SHISA9: variants seen among roughly 807,000 people sequenced by gnomAD.
SHISA9 encodes protein shisa-9.
Under a neutral mutation model 38.0 loss-of-function variants are expected in SHISA9, and 13 were observed. That is an observed-to-expected ratio of 0.34 (90% CI 0.22 to 0.54). The LOEUF (loss-of-function observed/expected upper bound fraction) is 0.54. Among genes scored for constraint, SHISA9 ranks in the 20% least tolerant of loss-of-function variants. The pLI is 0.91. For synonymous variants in SHISA9, 275 were observed against 242.0 expected, an observed-to-expected ratio of 1.14 and a Z score of -1.27; for missense variants, 538 against 575.8, an observed-to-expected ratio of 0.93 and a Z score of 0.67.
chr16:13,349,477 A>G, the SHISA9 span, among the ~76,000 whole-genome samples: 2 of 152,246 alleles, frequency 1.3e-5, no homozygotes, highest in Non-Finnish European at 2.9e-5. Context: ...ACACTGGAAT[A>G]CAAAGAGAAG....
At chr16:13,443,817 CT>C in the SHISA9 span, among the ~76,000 whole-genome samples, 15 of 152,102 alleles carry the variant, frequency 9.9e-5, no homozygotes, top group Non-Finnish European at 1.8e-4. Context: ...TCTCTTTATT[CT>C]TTTTTCTCCC....
chr16:13,235,905 G>A lies in SHISA9; in HGVS notation c.*496G>A, dbSNP rs2051379035. ...GGACACAAGAGAAGAGTGTATTCTGGAAGAGGAGTTGTTCTGGGAGGAATT... is the reference window on the plus strand; with the variant it reads ...GGACACAAGAGAAGAGTGTATTCTGAAAGAGGAGTTGTTCTGGGAGGAATT... On this transcript the variant is annotated 3_prime_UTR_variant, in exon 5 of 5. Transcript: ENST00000558583. 6.5e-6 allele frequency: 1 copy of A among 153,506 alleles called. No individual in the cohort carries two copies. The highest frequency in any genetic ancestry group is 1.4e-5 in the Non-Finnish European group (1 of 68,986). 9.5% of individuals were successfully genotyped at this position (153,506 alleles called of 1,614,324 possible).
chr16:13,295,228 A>T, the SHISA9 span, among the ~76,000 whole-genome samples: 1 of 152,196 alleles, frequency 6.6e-6, no homozygotes, highest in African/African-American at 2.4e-5. Context: ...AATAAAACAC[A>T]AATTATTTTG....
At chr16:13,514,087 T>C in the SHISA9 span, among the ~76,000 whole-genome samples, 1 of 152,120 alleles carries the variant, frequency 6.6e-6, no homozygotes, top group Admixed American at 6.6e-5. Flanking sequence ...CTCTGTCTCC[T>C]GGGTTCAAGT....
the SHISA9 span, among the ~76,000 whole-genome samples, chr16:13,268,681 T>C: frequency 6.6e-6 from 1 of 152,276 alleles, no homozygotes; most frequent in East Asian, 1.9e-4. Flanking sequence ...TTTAGTGTAG[T>C]GGGCACAATT....
At chr16:13,400,542 A>G in the SHISA9 span, among the ~76,000 whole-genome samples, 2 of 152,302 alleles carry the variant, frequency 1.3e-5, no homozygotes, top group African/African-American at 4.8e-5. Flanking sequence ...CGTCCAGACA[A>G]TGCCCACCAT....
chr16:13,057,920 T>G (rs936561282), intron 2 of SHISA9, among the ~76,000 whole-genome samples: 2 of 152,194 alleles, frequency 1.3e-5, no homozygotes, highest in Non-Finnish European at 2.9e-5. Flanking sequence ...TCTGTTCCTG[T>G]GTTAGTTTGC....
chr16:13,532,910 C>T, the SHISA9 span, among the ~76,000 whole-genome samples: 1 of 152,100 alleles, frequency 6.6e-6, no homozygotes, highest in Admixed American at 6.5e-5. Context: ...ATTATCCATC[C>T]AATCCCCTCG....
chr16:13,157,233 T>G (rs1567230620), intron 2 of SHISA9, among the ~76,000 whole-genome samples: 2 of 152,178 alleles, frequency 1.3e-5, no homozygotes, highest in Admixed American at 6.5e-5. Context: ...TAAGAAAGAT[T>G]TGAATCAACC....
intron 1 of SHISA9, among the ~76,000 whole-genome samples, chr16:12,914,977 C>A (rs1255767227): frequency 6.6e-6 from 1 of 152,166 alleles, no homozygotes; most frequent in Admixed American, 6.5e-5. Context: ...ACAGGCTGGG[C>A]CTGCTGAATT....
At chr16:13,531,080 C>A in the SHISA9 span, among the ~76,000 whole-genome samples, 3 of 152,144 alleles carry the variant, frequency 2.0e-5, no homozygotes, top group Admixed American at 2.0e-4. Flanking sequence ...CATTGATGCC[C>A]TGAATCAACC....
At position 13,101,408 on chromosome 16, in the gene SHISA9, A is replaced by G. The variant is rs377746046; in HGVS notation, c.692-101986A>G. Among the ~76,000 whole-genome samples, 17 of 152,358 alleles carry G rather than the reference A, an allele frequency of 1.1e-4. No individual in the cohort carries two copies. The South Asian group carries it at 1.2e-3, about 11-fold the overall frequency. ...AAATATATACAATTTTAATTTTTCA[A>G]TCATAACTCATTAAGTCTGGAATAC... On this transcript the variant is annotated intron_variant, in intron 2 of 4. Coordinates refer to ENST00000558583, the MANE Select transcript of SHISA9 (RefSeq NM_001145204.3).
At chr16:13,128,765 A>C (rs2050282765) in intron 2 of SHISA9, among the ~76,000 whole-genome samples, 1 of 152,170 alleles carries the variant, frequency 6.6e-6, no homozygotes, top group African/African-American at 2.4e-5. Context: ...GATCCTGTTT[A>C]GGATATGAGC....
the SHISA9 span, among the ~76,000 whole-genome samples, chr16:13,376,308 C>G: frequency 6.6e-6 from 1 of 152,184 alleles, no homozygotes; most frequent in Non-Finnish European, 1.5e-5. Context: ...TAGATAGAGT[C>G]ATGGCATAAT....
chr16:13,259,646 G>A, the SHISA9 span, among the ~76,000 whole-genome samples: 1 of 152,166 alleles, frequency 6.6e-6, no homozygotes, highest in Admixed American at 6.5e-5. Context: ...TTTGACTTCT[G>A]TGTATCCACA....
At chr16:13,257,673 G>A in the SHISA9 span, among the ~76,000 whole-genome samples, 2 of 152,152 alleles carry the variant, frequency 1.3e-5, no homozygotes, top group Admixed American at 6.6e-5. Context: ...TGTCTTTGCA[G>A]GTGTTGCCAT....
At chr16:13,008,783 CTG>C (rs1297045140) in intron 2 of SHISA9, among the ~76,000 whole-genome samples, 1 of 151,816 alleles carries the variant, frequency 6.6e-6, no homozygotes, top group African/African-American at 2.4e-5. Context: ...CCATACAGAA[CTG>C]TGAGTCAATT....
At chr16:13,340,465 G>A in the SHISA9 span, among the ~76,000 whole-genome samples, 5 of 152,112 alleles carry the variant, frequency 3.3e-5, no homozygotes, top group Admixed American at 2.6e-4. Flanking sequence ...CTCAGTGGCC[G>A]TGTTCCTGCC....
intron 2 of SHISA9, among the ~76,000 whole-genome samples, chr16:12,941,530 C>G (rs1357959533): frequency 6.6e-6 from 1 of 152,108 alleles, no homozygotes; most frequent in Non-Finnish European, 1.5e-5. Flanking sequence ...TACAAACAAT[C>G]CAATTATACT....
Sources: allele counts gnomAD v4.1 joint callset (sites outside exome capture counted in the v4.1 genomes callset), GRCh38; gene constraint gnomAD v4.1.1; transcripts MANE v1.5; gene names NCBI Gene and HGNC (gene_info 2026-07-23, HGNC 2026-07-21).